KALRN: variants seen among roughly 807,000 people sequenced by gnomAD.
KALRN encodes kalirin RhoGEF kinase, also known as kalirin.
In KALRN, 70 loss-of-function variants were observed where a neutral mutation model predicts 353.7. That is an observed-to-expected ratio of 0.20 (90% CI 0.16 to 0.24). The LOEUF (loss-of-function observed/expected upper bound fraction) is 0.24. Among genes scored for constraint, KALRN ranks in the 10% least tolerant of loss-of-function variants. The pLI is 1.00. For missense variants in KALRN, 2,791 were observed against 3,756.7 expected, an observed-to-expected ratio of 0.74 and a Z score of 6.72; for synonymous variants, 1,391 against 1,434.8, an observed-to-expected ratio of 0.97 and a Z score of 0.69.
At chr3:124,443,843 C>G (rs2093745788) in intron 19 of KALRN, among the ~76,000 whole-genome samples, 1 of 152,014 alleles carries the variant, frequency 6.6e-6, no homozygotes, top group African/African-American at 2.4e-5. Flanking sequence ...TCAGTCACAC[C>G]ATAGAGGGAG....
chr3:124,659,896 T>A (rs2084605899), intron 43 of KALRN, among the ~76,000 whole-genome samples: 1 of 148,394 alleles, frequency 6.7e-6, no homozygotes, highest in African/African-American at 2.4e-5. Context: ...AAAATCAATA[T>A]ATTTTATATA....
At chr3:124,701,114 C>T (rs915677487) in intron 56 of KALRN, among the ~76,000 whole-genome samples, 2 of 152,186 alleles carry the variant, frequency 1.3e-5, no homozygotes, top group Non-Finnish European at 2.9e-5. Context: ...GCTCCAGCCC[C>T]GGATGATGCT....
intron 33 of KALRN, among the ~76,000 whole-genome samples, chr3:124,509,208 C>T (rs1204793440): frequency 6.6e-6 from 1 of 151,978 alleles, no homozygotes; most frequent in Non-Finnish European, 1.5e-5. Flanking sequence ...GCATCTCTTA[C>T]ATTTTGTATT....
chr3:124,176,783 T>C (rs1434970749), intron 1 of KALRN, among the ~76,000 whole-genome samples: 1 of 152,208 alleles, frequency 6.6e-6, no homozygotes, highest in Non-Finnish European at 1.5e-5. Context: ...ATTTGGGAGA[T>C]GTATTTTCTA....
At chr3:124,702,675 G>A (rs1265047442) in intron 57 of KALRN, among the ~76,000 whole-genome samples, 4 of 152,148 alleles carry the variant, frequency 2.6e-5, no homozygotes, top group Non-Finnish European at 5.9e-5. Context: ...TGGGAAGACT[G>A]TGCAATCACT....
At chr3:124,537,050 A>G (rs959349627) in intron 33 of KALRN, among the ~76,000 whole-genome samples, 6 of 151,624 alleles carry the variant, frequency 4.0e-5, no homozygotes, top group African/African-American at 1.2e-4. Context: ...CCATAAGAGA[A>G]TTTTTTTTTA....
At chr3:124,602,025 CAAA>C (rs3058058) in intron 34 of KALRN, among the ~76,000 whole-genome samples, 74,090 of 133,036 alleles carry the variant, frequency 0.56, 19,462 homozygotes, top group East Asian at 0.83. Flanking sequence ...GACTCTGTCT[CAAA>C]AAAAAAAAAA....
chr3:124,450,789 C>G (rs1339433238), intron 21 of KALRN, among the ~76,000 whole-genome samples: 1 of 152,092 alleles, frequency 6.6e-6, no homozygotes, highest in Non-Finnish European at 1.5e-5. Context: ...TCTTGAACTC[C>G]TGACCTTAGG....
In KALRN at chr3:124,632,717, G is replaced by C; in HGVS notation, c.5466+14G>C. ...AGCGCTGATGAGGTACTTACAGGGG[G>C]CCCTGGAGTTGTCCATCAGGAGGGC... On this transcript the variant is annotated intron_variant, in intron 35 of 59. Coordinates refer to ENST00000682506, the MANE Select transcript of KALRN (RefSeq NM_001388419.1). 1 of 1,607,836 alleles carries C rather than the reference G, an allele frequency of 6.2e-7. No individual in the cohort carries two copies. Among genetic ancestry groups the C allele is most frequent in the East Asian group, 2.2e-5 (1 of 44,782 alleles).
chr3:124,694,515 G>T lies in KALRN; in HGVS notation c.7577+12G>T, dbSNP rs751999217. On this transcript the variant is annotated intron_variant, in intron 53 of 59. Coordinates refer to ENST00000682506, the MANE Select transcript of KALRN (RefSeq NM_001388419.1). ...ACGGTCTCCTCTTGGTAAGCCGATT[G>T]CCCTAACATCAGCAACAGCAGCCCC... is the stretch of plus-strand genomic sequence containing the variant. 200 of 1,610,182 alleles carry T rather than the reference G, an allele frequency of 1.2e-4. No individual in the cohort carries two copies. The highest frequency in any genetic ancestry group is 1.6e-4 in the Non-Finnish European group (193 of 1,178,194).
chr3:124,696,724 A>G (rs1559862363), intron 54 of KALRN, among the ~76,000 whole-genome samples: 1 of 152,088 alleles, frequency 6.6e-6, no homozygotes, highest in Non-Finnish European at 1.5e-5. Context: ...TAAATAAATA[A>G]GTGTACAGTT....
chr3:124,641,304 G>T (rs1000950979), intron 37 of KALRN, among the ~76,000 whole-genome samples: 4 of 152,088 alleles, frequency 2.6e-5, no homozygotes, highest in Admixed American at 6.5e-5. Flanking sequence ...TCGTGCTTTT[G>T]TTTATTAAGA....
chr3:124,541,403 T>C lies in KALRN; in HGVS notation c.4936-21440T>C, dbSNP rs542471305. ...AGGCGGAGGTTGCAGTGAGCCGAGA[T>C]CACGCCACTGCACTCCAGCCTTGGT... is the stretch of plus-strand genomic sequence containing the variant. On this transcript the variant is annotated intron_variant, in intron 33 of 59. Transcript: ENST00000682506. Among the ~76,000 whole-genome samples, 5 of 151,600 alleles carry C rather than the reference T, an allele frequency of 3.3e-5. No individual in the cohort carries two copies. In the South Asian group the frequency reaches 1.0e-3, roughly 32 times the overall value.
At position 124,659,232 on chromosome 3, in the gene KALRN, TC is replaced by T. The variant is rs1418113743; in HGVS notation, c.6124-132del. Reference sequence around the variant, plus strand: ...GAACAGTCCTCTAGGCAATTTTACCTCTCACATTACTTAAAGATTCTTCAAC... The same window carrying T: ...GAACAGTCCTCTAGGCAATTTTACCTTCACATTACTTAAAGATTCTTCAAC... On this transcript the variant is annotated intron_variant, in intron 42 of 59. Transcript: ENST00000682506. 4 of 702,640 alleles carry T rather than the reference TC, an allele frequency of 5.7e-6. No individual in the cohort carries two copies. The African/African-American group carries it at 7.1e-5, about 12-fold the overall frequency. 43.5% of individuals were successfully genotyped at this position (702,640 alleles called of 1,614,324 possible). A position where few individuals can be genotyped will look rare whatever the true frequency, so the allele number is the denominator to read the frequency against.
At position 124,044,899 on chromosome 3, in the gene KALRN, TTCCTTC is replaced by T. The variant is rs1250704857; in HGVS notation, c.73+11087_73+11092del. 3.1e-3 allele frequency among the ~76,000 whole-genome samples: 36 copies of T among 11,456 alleles called. No homozygotes were observed. In the South Asian group the frequency reaches 0.05, roughly 16 times the overall value. The allele number at this position is 11,456 out of a possible 152,430, so 7.5% of individuals were successfully genotyped here. ...CTTCCTTCCTTCCTTCCTTCCTTCC[TTCCTTC>T]CTTCCTTCTCTTCCTTCTCTTCCTT... is the stretch of plus-strand genomic sequence containing the variant. On this transcript the variant is annotated intron_variant, in intron 1 of 59. Transcript: ENST00000682506.
chr3:124,228,030 T>C lies in KALRN; in HGVS notation c.114T>C (p.Leu38=), dbSNP rs201949827. 13 of 1,614,118 alleles carry C rather than the reference T, an allele frequency of 8.1e-6. No individual in the cohort carries two copies. The highest frequency in any genetic ancestry group is 1.1e-5 in the Non-Finnish European group (13 of 1,179,976). Residue 38 remains leucine (L), a synonymous_variant, in exon 2 of 60, where the codon CTT becomes CTC. Coordinates refer to ENST00000682506, the MANE Select transcript of KALRN (RefSeq NM_001388419.1). ...RNDGLKASDV[L]PILKEKVAFV... is the part of the protein sequence containing the mutation. ...ATGGTTTGAAAGCTTCTGATGTCCT[T>C]CCTATCCTAAAGGAAAAGGTGGCCT...
rs773215635 is a variant in KALRN, at chr3:124,659,439, A to G, written c.6198A>G (p.Lys2066=). The change falls in exon 43 of 60, where the codon AAA becomes AAG. Residue 2066 remains lysine, a synonymous_variant. Coordinates refer to ENST00000682506, the MANE Select transcript of KALRN (RefSeq NM_001388419.1). The part of the protein sequence containing the change: ...FLIKPIQRIT[K]YQLLLKDFLR... ...TCAAGCCCATTCAGAGAATAACAAAATACCAGTTGCTCCTCAAGGTAAGAA... is the reference window on the plus strand; with the variant it reads ...TCAAGCCCATTCAGAGAATAACAAAGTACCAGTTGCTCCTCAAGGTAAGAA... The G allele has an allele frequency of 2.5e-6, 4 of 1,612,650 alleles. No homozygotes were observed. The highest frequency in any genetic ancestry group is 3.4e-6 in the Non-Finnish European group (4 of 1,178,764).
At chr3:124,624,831 C>T (rs559990479) in intron 34 of KALRN, among the ~76,000 whole-genome samples, 1 of 152,180 alleles carries the variant, frequency 6.6e-6, no homozygotes, top group African/African-American at 2.4e-5. Context: ...AGGCATTGGT[C>T]TTAGGAGTGG....
In KALRN at chr3:124,434,530, G is replaced by A. The variant is rs1479682034; in HGVS notation, c.3048+5G>A. On this transcript the variant is annotated splice_donor_5th_base_variant and intron_variant, in intron 17 of 59. Coordinates refer to ENST00000682506, the MANE Select transcript of KALRN (RefSeq NM_001388419.1). Reference sequence around the variant, plus strand: ...TTTTACAAAACTTCTGAACAGGTGAGGGAAAAGACTGTGGGGCTTGTGGGG... The same window carrying A: ...TTTTACAAAACTTCTGAACAGGTGAAGGAAAAGACTGTGGGGCTTGTGGGG... 6.2e-7 allele frequency: 1 copy of A among 1,613,704 alleles called. No homozygotes were observed. The highest frequency in any genetic ancestry group is 8.5e-7 in the Non-Finnish European group (1 of 1,179,692).
Sources: gnomAD v4.1 joint callset for allele counts (sites outside exome capture counted in the v4.1 genomes callset) on GRCh38, gnomAD v4.1.1 for gene constraint, MANE v1.5 for transcripts, NCBI Gene and HGNC (gene_info 2026-07-23, HGNC 2026-07-21) for gene names.